The following FNDC1 variants were observed in gnomAD, a reference collection of about 807,000 sequenced individuals.
The protein encoded by FNDC1 is fibronectin type III domain-containing protein 1.
FNDC1 carries 96 observed loss-of-function variants against 168.0 expected under a neutral mutation model. That is an observed-to-expected ratio of 0.57 (90% confidence interval 0.48 to 0.68). FNDC1 has a LOEUF of 0.68. FNDC1 is among the 30% of genes least tolerant of loss of function. The pLI, the probability that FNDC1 is intolerant of heterozygous loss-of-function variation, is 0.00. For synonymous variants in FNDC1, 1,099 were observed against 1,025.9 expected, an observed-to-expected ratio of 1.07 and a Z score of -1.36; for missense variants, 2,587 against 2,482.1, an observed-to-expected ratio of 1.04 and a Z score of -0.90.
intron 1 of FNDC1, among the ~76,000 whole-genome samples, chr6:159,183,240 G>C (rs1781919976): frequency 6.6e-6 from 1 of 152,216 alleles, no homozygotes; most frequent in Non-Finnish European, 1.5e-5. Flanking sequence ...CTTTCTTTGA[G>C]GGCCTTGAAT....
chr6:159,199,763 A>G (rs1562634394), intron 2 of FNDC1, among the ~76,000 whole-genome samples: 1 of 152,366 alleles, frequency 6.6e-6, no homozygotes, highest in East Asian at 1.9e-4. Flanking sequence ...TGTACCTTGT[A>G]TGAAATAAAG....
At chr6:159,224,493 A>G (rs1782910928) in intron 7 of FNDC1, among the ~76,000 whole-genome samples, 1 of 152,250 alleles carries the variant, frequency 6.6e-6, no homozygotes, top group African/African-American at 2.4e-5. Flanking sequence ...ATATACATAT[A>G]TAAATGATTA....
intron 4 of FNDC1, among the ~76,000 whole-genome samples, chr6:159,202,197 G>A (rs1345588055): frequency 6.6e-6 from 1 of 152,146 alleles, no homozygotes; most frequent in Non-Finnish European, 1.5e-5. Context: ...ACCACTTGAA[G>A]CATGTAATAT....
chr6:159,238,942 G>T (rs1333485247), intron 13 of FNDC1, among the ~76,000 whole-genome samples: 2 of 152,144 alleles, frequency 1.3e-5, no homozygotes, highest in Non-Finnish European at 2.9e-5. Flanking sequence ...ACAACCTGTA[G>T]GTTGTAGCCC....
chr6:159,186,654 G>A (rs187463887), intron 1 of FNDC1, among the ~76,000 whole-genome samples: 1 of 152,360 alleles, frequency 6.6e-6, no homozygotes, highest in East Asian at 1.9e-4. Context: ...GTCTACTGAA[G>A]CCCAGGTGTG....
At chr6:159,228,715 T>C (rs410879) in intron 9 of FNDC1, among the ~76,000 whole-genome samples, 58,227 of 151,900 alleles carry the variant, frequency 0.38, 14,283 homozygotes, top group East Asian at 0.73. Flanking sequence ...CTCACTTCAT[T>C]GCCCAGGCTG....
chr6:159,216,778 T>G (rs187408048), intron 5 of FNDC1, among the ~76,000 whole-genome samples: 11 of 152,366 alleles, frequency 7.2e-5, no homozygotes, highest in African/African-American at 2.6e-4. Flanking sequence ...TCTTACTTAC[T>G]GTCATGTAAG....
In FNDC1 at chr6:159,232,184, G is replaced by C. The variant is rs370413176; in HGVS notation, c.1672G>C (p.Asp558His). The C allele has an allele frequency of 5.6e-6, 9 of 1,613,754 alleles. No individual in the cohort carries two copies. The highest frequency in any genetic ancestry group is 7.6e-6 in the Non-Finnish European group (9 of 1,179,816). ...SREDSPMSPS[D>H]TQDQKRTLRP... ...GGAGGACTCGCCCATGTCACCCTCA[G>C]ACACCCAAGACCAGAAACGGACCCT... Residue 558 changes from aspartate to histidine, a missense_variant, in exon 11 of 23, where the codon GAC (aspartate) becomes CAC (histidine). Transcript: ENST00000297267. This position sits in a 1 kb window ranked among gnomAD's most constrained non-coding sequence, Gnocchi z 4.9.
chr6:159,238,468 C>G (rs956093638), intron 12 of FNDC1, 86 bp from the exon 13 acceptor site: 23 of 805,356 alleles, frequency 2.9e-5, no homozygotes, highest in Non-Finnish European at 4.1e-5. Flanking sequence ...TCTGTGGAAG[C>G]TTCAGGGGTA....
intron 1 of FNDC1, among the ~76,000 whole-genome samples, chr6:159,190,859 T>G (rs1686766289): frequency 6.6e-6 from 1 of 152,222 alleles, no homozygotes; most frequent in African/African-American, 2.4e-5. Context: ...TATAGGCCCT[T>G]TTATTGCTTG....
At position 159,256,635 on chromosome 6, in the gene FNDC1, C is replaced by T. The variant is rs191007212; in HGVS notation, c.5174+4C>T. On this transcript the variant is annotated splice_donor_region_variant and intron_variant, in intron 18 of 22. Transcript: ENST00000297267. ...AGAACCTAAAGCCCAACACGAGGTA[C>T]GATGTGTCAGTCATTTAGAAAAGAT... is the stretch of plus-strand genomic sequence containing the variant. The T allele has an allele frequency of 1.9e-5, 31 of 1,596,776 alleles. No individual in the cohort carries two copies. The Admixed American group carries it at 3.3e-4, about 17-fold the overall frequency.
In FNDC1 at chr6:159,271,565, A is replaced by G. The variant is rs1347591120; in HGVS notation, c.*123A>G. On this transcript the variant is annotated 3_prime_UTR_variant, in exon 23 of 23. Coordinates refer to ENST00000297267, the MANE Select transcript of FNDC1 (RefSeq NM_032532.3). ...CTGCCCTAGGTGCCAGGAAGGTCAT[A>G]GATGGACACTGGCCATTCTGGTCAT... The G allele has an allele frequency of 8.8e-6, 6 of 678,058 alleles. No homozygotes were observed. In the African/African-American group the frequency reaches 8.9e-5, roughly 10 times the overall value. The allele number at this position is 678,058 out of a possible 1,614,324, so 42.0% of individuals were successfully genotyped here.
chr6:159,251,956 A>G (rs973267196), intron 17 of FNDC1, among the ~76,000 whole-genome samples: 4 of 152,088 alleles, frequency 2.6e-5, no homozygotes, highest in African/African-American at 9.7e-5. Flanking sequence ...TGGGCCACAC[A>G]TTTGTCCCTT....
At chr6:159,191,664 C>T (rs527480886) in intron 1 of FNDC1, among the ~76,000 whole-genome samples, 11 of 152,298 alleles carry the variant, frequency 7.2e-5, no homozygotes, top group Non-Finnish European at 1.5e-4. Flanking sequence ...TATTTTGTTT[C>T]TAAATGGTAG....
At chr6:159,214,853 G>T in intron 4 of FNDC1, 92 bp from the exon 5 acceptor site, 1 of 1,060,206 alleles carries the variant, frequency 9.4e-7, no homozygotes, top group Non-Finnish European at 1.4e-6. Context: ...GCAGCTAATT[G>T]TTGAGGCTCA....
At chr6:159,211,979 A>G (rs571632005) in intron 4 of FNDC1, among the ~76,000 whole-genome samples, 5 of 152,322 alleles carry the variant, frequency 3.3e-5, no homozygotes, top group African/African-American at 1.2e-4. Flanking sequence ...AAAAGAAGAG[A>G]TTTTGATTCT....
At chr6:159,266,499 C>G (rs750973267) in intron 21 of FNDC1, among the ~76,000 whole-genome samples, 7 of 152,154 alleles carry the variant, frequency 4.6e-5, no homozygotes, top group African/African-American at 1.7e-4. Context: ...AATCGCAGCA[C>G]TTTGGGAGGC....
chr6:159,267,415 T>A (rs1777614150), intron 21 of FNDC1, among the ~76,000 whole-genome samples: 1 of 152,174 alleles, frequency 6.6e-6, no homozygotes, highest in Non-Finnish European at 1.5e-5. Flanking sequence ...TAGTTACACA[T>A]GAAAATAGAT....
intron 9 of FNDC1, among the ~76,000 whole-genome samples, chr6:159,229,536 G>A (rs1002742934): frequency 5.9e-5 from 9 of 152,126 alleles, no homozygotes; most frequent in Non-Finnish European, 1.2e-4. Context: ...AAATTTGGGG[G>A]GAATTGTATG....
Sources: allele counts gnomAD v4.1 joint callset (sites outside exome capture counted in the v4.1 genomes callset), GRCh38; gene constraint gnomAD v4.1.1; non-coding constraint Gnocchi (gnomAD v3.1); transcripts MANE v1.5; gene names NCBI Gene and HGNC (gene_info 2026-07-23, HGNC 2026-07-21).